PAPLN: variants seen among roughly 807,000 people sequenced by gnomAD.
PAPLN encodes the protein papilin.
In PAPLN, 146 loss-of-function variants were observed where a neutral mutation model predicts 159.0. That is an observed-to-expected ratio of 0.92 (90% CI 0.80 to 1.05). The LOEUF (loss-of-function observed/expected upper bound fraction) is 1.05, where lower values mean the gene tolerates loss of function less well. Ranked by LOEUF, PAPLN falls within the 50% of genes least tolerant of loss-of-function variation. The probability of loss-of-function intolerance (pLI) is 0.00; values close to 1 mark genes in which losing one functional copy is unlikely to be tolerated. For synonymous variants in PAPLN, 734 were observed against 702.9 expected, an observed-to-expected ratio of 1.04 and a Z score of -0.70; for missense variants, 1,720 against 1,743.9, an observed-to-expected ratio of 0.99 and a Z score of 0.24.
intron 1 of PAPLN, among the ~76,000 whole-genome samples, chr14:73,238,092 C>G (rs2082556042): frequency 6.6e-6 from 1 of 152,204 alleles, no homozygotes; most frequent in Admixed American, 6.5e-5. Flanking sequence ...GGTGCCTGGT[C>G]AGGGCTGGAC....
In PAPLN at chr14:73,250,039, G is replaced by T; in HGVS notation, c.390G>T (p.Lys130Asn). 1 of 1,613,368 alleles carries T rather than the reference G, an allele frequency of 6.2e-7. No homozygotes were observed. The highest frequency in any genetic ancestry group is 8.5e-7 in the Non-Finnish European group (1 of 1,179,708). The change falls in exon 6 of 27, where the codon AAG becomes AAT. Residue 130 changes from lysine (K) to asparagine (N), a missense_variant. Physicochemically the swap from Lys to Asn is moderately conservative, Grantham distance 94. Coordinates refer to ENST00000644200, the MANE Select transcript of PAPLN (RefSeq NM_001365906.3). ...CIPKGENFYY[K>N]HREAVVDGTP... is the part of the protein sequence containing the mutation. ...CCAAGGGGGAGAACTTCTACTACAA[G>T]CACAGGGAGGCTGTGGTTGATGGGA...
intron 14 of PAPLN, among the ~76,000 whole-genome samples, chr14:73,256,505 C>T (rs1024889376): frequency 1.5e-5 from 2 of 135,590 alleles, no homozygotes; most frequent in African/African-American, 5.7e-5. Flanking sequence ...GAACTCCAAC[C>T]TGAGCAACAA....
intron 7 of PAPLN, 51 bp downstream of exon 7, chr14:73,251,081 C>G: frequency 6.4e-7 from 1 of 1,565,164 alleles, no homozygotes; most frequent in South Asian, 1.2e-5. Flanking sequence ...CCTTGCCTGT[C>G]CCTTCCTTGC....
rs201988424 is a variant in PAPLN at position 73,263,687 on chromosome 14, C to T, written c.2766C>T (p.Ala922=). 73 of 1,613,536 alleles carry T rather than the reference C, an allele frequency of 4.5e-5. No individual in the cohort carries two copies. The highest frequency in any genetic ancestry group is 3.3e-4 in the Middle Eastern group (2 of 6,060). ...TGGAGCCCTCGTTGGTGCAGGCAGC[C>T]CTGGGGCAGTTGGTGCGGCTCTCCT... ...AGVEPSLVQA[A]LGQLVRLSCS... The change falls in exon 20 of 27, where the codon GCC becomes GCT. Residue 922 remains alanine (A), a synonymous_variant. Coordinates refer to ENST00000644200, the MANE Select transcript of PAPLN (RefSeq NM_001365906.3).
chr14:73,247,535 T>TGTGTG, intron 5 of PAPLN, among the ~76,000 whole-genome samples: 1 of 148,906 alleles, frequency 6.7e-6, no homozygotes, highest in African/African-American at 2.5e-5. Flanking sequence ...TGTGTGTGTG[T>TGTGTG]TGTGGGGATC....
At position 73,253,894 on chromosome 14, in the gene PAPLN, A is replaced by G; in HGVS notation, c.1235A>G (p.Lys412Arg). ...GCTGAGTGTGCCGGGCTGCCTGGGA[A>G]GCCCCCTGCCATTCAGGCCTGTAAC... ...EEAECAGLPG[K>R]PPAIQACNLQ... Residue 412 changes from lysine (K) to arginine (R), a missense_variant, in exon 12 of 27, where the codon AAG (lysine) becomes AGG (arginine). Transcript: ENST00000644200. 1 of 1,613,224 alleles carries G rather than the reference A, an allele frequency of 6.2e-7. No individual in the cohort carries two copies. The highest frequency in any genetic ancestry group is 8.5e-7 in the Non-Finnish European group (1 of 1,179,888).
Position 73,263,391 on chromosome 14 carries a change from C to T in PAPLN, c.2724-254C>T, listed in dbSNP as rs1886800300. ...TCCCGACCTCTCCCCACCCCTTGGG[C>T]TTTGCACCTACCTTGTTGCTGCTAC... On this transcript the variant is annotated intron_variant, in intron 19 of 26. Transcript: ENST00000644200. 5.2e-6 allele frequency: 3 copies of T among 572,882 alleles called. No homozygotes were observed. In the East Asian group the frequency reaches 8.7e-5, roughly 17 times the overall value. 35.5% of individuals were successfully genotyped at this position (572,882 alleles called of 1,614,324 possible). A position where few individuals can be genotyped will look rare whatever the true frequency, so the allele number is the denominator to read the frequency against.
At position 73,263,737 on chromosome 14, in the gene PAPLN, C is replaced by T; in HGVS notation, c.2816C>T (p.Ser939Phe). 6.2e-7 allele frequency: 1 copy of T among 1,609,296 alleles called. No individual in the cohort carries two copies. Among genetic ancestry groups the T allele is most frequent in the Non-Finnish European group, 8.5e-7 (1 of 1,179,942 alleles). ...TGCTCAGACGACACTGCCCCGGAAT[C>T]CCAGGCTGCCTGGCAGAAAGATGGC... ...LSCSDDTAPESQAAWQKDGQP... is the reference protein window; with the variant it reads ...LSCSDDTAPEFQAAWQKDGQP... Residue 939 changes from serine (S) to phenylalanine (F), a missense_variant, in exon 20 of 27, where the codon TCC (serine) becomes TTC (phenylalanine). Physicochemically the swap from Ser to Phe is radical, Grantham distance 155. Coordinates refer to ENST00000644200, the MANE Select transcript of PAPLN (RefSeq NM_001365906.3).
chr14:73,256,336 G>T (rs1000282165), intron 14 of PAPLN, among the ~76,000 whole-genome samples: 1 of 151,492 alleles, frequency 6.6e-6, no homozygotes, highest in South Asian at 2.1e-4. Flanking sequence ...TTCGAGACCC[G>T]CCTGGCCAAC....
chr14:73,253,911 G>GC lies in PAPLN; in HGVS notation c.1254dup (p.Cys419LeufsTer2). ...GCCTGGGAAGCCCCCTGCCATTCAG[G>GC]CCTGTAACCTGCAGCGCTGTGCAGC... On this transcript the variant is annotated frameshift_variant, in exon 12 of 27. Transcript: ENST00000644200. LOFTEE classifies it high-confidence loss of function. 1 of 1,613,228 alleles carries GC rather than the reference G, an allele frequency of 6.2e-7. No homozygotes were observed. Among genetic ancestry groups the GC allele is most frequent in the East Asian group, 2.2e-5 (1 of 44,878 alleles).
chr14:73,259,544 A>G lies in PAPLN; in HGVS notation c.1984A>G (p.Arg662Gly). ...CCCTGGGGCCCCCTGTCAGCAGAGC[A>G]GGTGGGTGCTGGAGACAGGTCTTCC... ...GCPGAPCQQS[R>G]YGCCPDRVSV... The change falls in exon 16 of 27, where the codon AGG becomes GGG. Residue 662 changes from arginine (R) to glycine (G), a missense_variant and splice_region_variant. Transcript: ENST00000644200. 1 of 1,555,776 alleles carries G rather than the reference A, an allele frequency of 6.4e-7. No individual in the cohort carries two copies. The highest frequency in any genetic ancestry group is 1.9e-5 in the Admixed American group (1 of 52,854).
intron 19 of PAPLN, chr14:73,263,128 C>T (rs1267055054): frequency 1.9e-5 from 7 of 372,544 alleles, no homozygotes; most frequent in Admixed American, 4.1e-5. Context: ...TTATTGGCTT[C>T]GTGACCTTTG....
In PAPLN at chr14:73,253,737, A is replaced by AT; in HGVS notation, c.1095-15dup. 1 of 1,580,068 alleles carries AT rather than the reference A, an allele frequency of 6.3e-7. No individual in the cohort carries two copies. Among genetic ancestry groups the AT allele is most frequent in the South Asian group, 1.2e-5 (1 of 86,816 alleles). On this transcript the variant is annotated splice_polypyrimidine_tract_variant and intron_variant, in intron 11 of 26. Coordinates refer to ENST00000644200, the MANE Select transcript of PAPLN (RefSeq NM_001365906.3). ...CATGCTCCTGGGCCAGCCTTACCTG[A>AT]TTCCCCCTCCTGCCAGCTGGAAGGC...
At chr14:73,266,969 T>C (rs1887279499) in intron 25 of PAPLN, 138 bp downstream of exon 25, 2 of 781,988 alleles carry the variant, frequency 2.6e-6, no homozygotes, top group Admixed American at 2.2e-5. Context: ...GGGAGAGGGC[T>C]GCAGCACCCT....
intron 11 of PAPLN, 114 bp from the exon 12 acceptor site, chr14:73,253,640 A>G (rs1370633487): frequency 5.2e-6 from 5 of 957,518 alleles, no homozygotes; most frequent in Non-Finnish European, 7.7e-6. Flanking sequence ...GGCTCAGAGG[A>G]TGGGCTGGGG....
chr14:73,259,609 G>C, intron 16 of PAPLN, 64 bp downstream of exon 16: 1 of 1,426,520 alleles, frequency 7.0e-7, no homozygotes, highest in Non-Finnish European at 9.2e-7. Context: ...CCCCGTGGGT[G>C]GGCCAACATC....
At chr14:73,251,108 C>T (rs1885204927) in intron 7 of PAPLN, 78 bp downstream of exon 7, 1 of 1,538,454 alleles carries the variant, frequency 6.5e-7, no homozygotes, top group Admixed American at 1.9e-5. Flanking sequence ...CTGCTCTGGC[C>T]TAGACTCCAG....
At chr14:73,270,483 A>AC (rs1887623249) in intron 26 of PAPLN, among the ~76,000 whole-genome samples, 1 of 152,220 alleles carries the variant, frequency 6.6e-6, no homozygotes, top group Non-Finnish European at 1.5e-5. Flanking sequence ...ACTCAGATAC[A>AC]TGGTGACTAA....
rs1251947432 is a variant in PAPLN at position 73,263,710 on chromosome 14, C to T, written c.2789C>T (p.Ser930Phe). 6 of 1,612,488 alleles carry T rather than the reference C, an allele frequency of 3.7e-6. No individual in the cohort carries two copies. The East Asian group carries it at 8.9e-5, about 24-fold the overall frequency. Reference protein sequence around the residue: ...QAALGQLVRLSCSDDTAPESQ... With the variant: ...QAALGQLVRLFCSDDTAPESQ... ...GCCCTGGGGCAGTTGGTGCGGCTCT[C>T]CTGCTCAGACGACACTGCCCCGGAA... The change falls in exon 20 of 27, where the codon TCC becomes TTC. Residue 930 changes from serine to phenylalanine, a missense_variant. Ser to Phe is a radical substitution (Grantham distance 155). Coordinates refer to ENST00000644200, the MANE Select transcript of PAPLN (RefSeq NM_001365906.3).
Sources: gnomAD v4.1 joint callset for allele counts (sites outside exome capture counted in the v4.1 genomes callset) on GRCh38, gnomAD v4.1.1 for gene constraint, MANE v1.5 for transcripts, NCBI Gene and HGNC (gene_info 2026-07-23, HGNC 2026-07-21) for gene names.